Variants in APPBP2 observed in about 807,000 individuals in gnomAD.
The protein encoded by APPBP2 is amyloid protein-binding protein 2.
Under a neutral mutation model 76.0 loss-of-function variants are expected in APPBP2, and 15 were observed. The observed-to-expected ratio is 0.20, with a 90% confidence interval of 0.13 to 0.30. APPBP2 has a LOEUF of 0.30. APPBP2 is among the 10% of genes least tolerant of loss of function. The pLI is 1.00. For missense variants in APPBP2, 401 were observed against 687.2 expected (o/e 0.58, Z 4.66); for synonymous variants, 222 against 242.2 (o/e 0.92, Z 0.77).
rs1567915164 is a variant in APPBP2 at position 60,447,173 on chromosome 17, C to T, written c.*408G>A. ...TACACTACAGTATTGAATACCTCCA[C>T]ATGGAAGAATTACATATTAAAAAGT... On this transcript the variant is annotated 3_prime_UTR_variant, in exon 13 of 13. Transcript: ENST00000083182. 1 of 159,482 alleles carries T rather than the reference C, an allele frequency of 6.3e-6. No individual in the cohort carries two copies. The highest frequency in any genetic ancestry group is 1.4e-5 in the Non-Finnish European group (1 of 72,268). 9.9% of individuals were successfully genotyped at this position (159,482 alleles called of 1,614,324 possible).
chr17:60,486,397 T>C (rs1398845278), intron 3 of APPBP2, among the ~76,000 whole-genome samples: 4 of 152,224 alleles, frequency 2.6e-5, no homozygotes, highest in African/African-American at 9.7e-5. Flanking sequence ...TGGGTGCATA[T>C]ATATTTAGGA....
At chr17:60,478,050 T>C (rs1423582625) in intron 4 of APPBP2, among the ~76,000 whole-genome samples, 7 of 152,018 alleles carry the variant, frequency 4.6e-5, no homozygotes, top group Non-Finnish European at 1.0e-4. Flanking sequence ...GAGAATATTC[T>C]AGGTTTGAAA....
At chr17:60,450,502 C>T (rs2090386496) in intron 12 of APPBP2, among the ~76,000 whole-genome samples, 1 of 150,782 alleles carries the variant, frequency 6.6e-6, no homozygotes, top group African/African-American at 2.4e-5. Context: ...GGCACAGTGG[C>T]TCATGCCTAT....
chr17:60,510,168 C>T (rs1217979059), intron 1 of APPBP2, among the ~76,000 whole-genome samples: 1 of 151,942 alleles, frequency 6.6e-6, no homozygotes, highest in Non-Finnish European at 1.5e-5. Flanking sequence ...TTTGGCAAGC[C>T]GAGACAAGAG....
At chr17:60,482,333 C>A (rs755225956) in intron 3 of APPBP2, among the ~76,000 whole-genome samples, 4 of 152,124 alleles carry the variant, frequency 2.6e-5, no homozygotes, top group Non-Finnish European at 4.4e-5. Flanking sequence ...CTTTGAATAG[C>A]CTCATCCCAA....
At chr17:60,476,326 C>T (rs926654164) in intron 4 of APPBP2, among the ~76,000 whole-genome samples, 7 of 152,112 alleles carry the variant, frequency 4.6e-5, no homozygotes, top group African/African-American at 1.7e-4. Context: ...TTTATTCTTG[C>T]ATCAGGCTCA....
At chr17:60,511,788 T>G (rs1027137807) in intron 1 of APPBP2, among the ~76,000 whole-genome samples, 1 of 152,156 alleles carries the variant, frequency 6.6e-6, no homozygotes, top group Non-Finnish European at 1.5e-5. Context: ...ACTGTCAACA[T>G]AATGGCACAC....
rs138414299 is a variant in APPBP2 at position 60,521,432 on chromosome 17, CCAGT to C, written c.138+4358_138+4361del. Among the ~76,000 whole-genome samples, 301 of 152,336 alleles carry C rather than the reference CCAGT, an allele frequency of 2.0e-3. 4 individuals carry two copies. In the East Asian group the frequency reaches 0.047, roughly 24 times the overall value. Reference sequence around the variant, plus strand: ...ACTCACTGACTTACCAGAGCAACTTCCAGTCCTAAAAGCTCCATTCACGGTAAGT... The same window carrying C: ...ACTCACTGACTTACCAGAGCAACTTCCCTAAAAGCTCCATTCACGGTAAGT... On this transcript the variant is annotated intron_variant, in intron 1 of 12. Transcript: ENST00000083182.
intron 4 of APPBP2, among the ~76,000 whole-genome samples, chr17:60,471,013 T>C (rs953940864): frequency 2.0e-5 from 3 of 152,016 alleles, no homozygotes; most frequent in Non-Finnish European, 2.9e-5. Context: ...GCCAGACTGG[T>C]CTCAAACTCC....
At position 60,525,975 on chromosome 17, in the gene APPBP2, AG is replaced by A. The variant is rs987366924; in HGVS notation, c.-45del. 4 of 1,538,036 alleles carry A rather than the reference AG, an allele frequency of 2.6e-6. No homozygotes were observed. In the African/African-American group the frequency reaches 5.5e-5, roughly 21 times the overall value. On this transcript the variant is annotated 5_prime_UTR_variant, in exon 1 of 13. Coordinates refer to ENST00000083182, the MANE Select transcript of APPBP2 (RefSeq NM_006380.5). ...CGCCTCCTCCGCCTCCTCCTCCCGA[AG>A]GCCCCCACCTCCCTCCGTAGCGAAC...
At chr17:60,479,619 C>T (rs1282076554) in intron 3 of APPBP2, among the ~76,000 whole-genome samples, 1 of 151,960 alleles carries the variant, frequency 6.6e-6, no homozygotes, top group Non-Finnish European at 1.5e-5. Context: ...ATACACAATC[C>T]CAAAGAAGAT....
rs544790789 is a variant in APPBP2 at position 60,453,536 on chromosome 17, G to GTTTTT, written c.1338+761_1338+765dup. ...ATGTTTCCTAATTTTTCATGATCCT[G>GTTTTT]TTTTTTTTTTTGTTTTTTTTGAAGA... On this transcript the variant is annotated intron_variant, in intron 11 of 12. Transcript: ENST00000083182. Among the ~76,000 whole-genome samples the GTTTTT allele has an allele frequency of 6.5e-3, 908 of 140,356 alleles. 38 individuals carry two copies. The highest frequency in any genetic ancestry group is 0.023 in the African/African-American group (857 of 37,150). The allele number at this position is 140,356 out of a possible 152,430, so 92.1% of individuals were successfully genotyped here. A position where few individuals can be genotyped will look rare whatever the true frequency, so the allele number is the denominator to read the frequency against.
intron 9 of APPBP2, among the ~76,000 whole-genome samples, chr17:60,457,763 C>T (rs1036006993): frequency 2.6e-5 from 4 of 152,188 alleles, no homozygotes; most frequent in African/African-American, 9.6e-5. Flanking sequence ...TGACTATTTC[C>T]ATTTCTAGCC....
intron 6 of APPBP2, among the ~76,000 whole-genome samples, chr17:60,463,289 G>A (rs938125236): frequency 2.6e-5 from 4 of 152,136 alleles, no homozygotes; most frequent in African/African-American, 9.7e-5. Context: ...AGTCCTCACT[G>A]CACCAAAGGA....
At chr17:60,513,339 C>A in intron 1 of APPBP2, 1 of 601,486 alleles carries the variant, frequency 1.7e-6, no homozygotes, top group South Asian at 1.9e-5. Flanking sequence ...GGAAAACACA[C>A]CTGAAACTAG....
At chr17:60,513,583 C>T (rs1012812861) in intron 1 of APPBP2, 18 of 393,998 alleles carry the variant, frequency 4.6e-5, no homozygotes, top group Middle Eastern at 7.7e-4. Flanking sequence ...ATTTTGAGGG[C>T]GGGCACGGTG....
intron 3 of APPBP2, among the ~76,000 whole-genome samples, chr17:60,488,871 G>C (rs6503976): frequency 2.0e-5 from 3 of 152,042 alleles, no homozygotes; most frequent in Admixed American, 6.6e-5. Flanking sequence ...CACAAGTTTT[G>C]AGAGACTTTC....
At chr17:60,465,674 C>T (rs577181031) in intron 5 of APPBP2, among the ~76,000 whole-genome samples, 10 of 152,016 alleles carry the variant, frequency 6.6e-5, no homozygotes, top group African/African-American at 9.7e-5. Context: ...TTGAGTCCAG[C>T]GTGGGTGACA....
chr17:60,522,376 G>A (rs1301898216), intron 1 of APPBP2, among the ~76,000 whole-genome samples: 1 of 152,132 alleles, frequency 6.6e-6, no homozygotes, highest in Non-Finnish European at 1.5e-5. Context: ...AGGCTGGAGT[G>A]CAGTGGCACA....
Sources: allele counts gnomAD v4.1 joint callset (sites outside exome capture counted in the v4.1 genomes callset), GRCh38; gene constraint gnomAD v4.1.1; transcripts MANE v1.5; gene names NCBI Gene and HGNC (gene_info 2026-07-23, HGNC 2026-07-21).